NRCAM: variants seen among roughly 807,000 people sequenced by gnomAD.
NRCAM encodes neuronal cell adhesion molecule.
Under a neutral mutation model 156.5 loss-of-function variants are expected in NRCAM, and 83 were observed. The ratio of observed to expected loss-of-function variants is 0.53; its 90% confidence interval spans 0.44 to 0.64. The LOEUF is 0.64. NRCAM is among the 30% of genes least tolerant of loss of function. The probability of loss-of-function intolerance (pLI) is 0.00; values close to 1 mark genes in which losing one functional copy is unlikely to be tolerated. For missense variants in NRCAM, 1,417 were observed against 1,597.3 expected (o/e 0.89, Z 1.92); for synonymous variants, 538 against 563.9 (o/e 0.95, Z 0.65).
At chr7:108,336,319 T>G (rs2099189871) in intron 2 of NRCAM, among the ~76,000 whole-genome samples, 1 of 152,120 alleles carries the variant, frequency 6.6e-6, no homozygotes, top group Non-Finnish European at 1.5e-5. Context: ...TCCATTTGTA[T>G]GCACCCAGAA....
intron 1 of NRCAM, among the ~76,000 whole-genome samples, chr7:108,421,341 C>T (rs1177569190): frequency 6.6e-6 from 1 of 152,026 alleles, no homozygotes; most frequent in East Asian, 1.9e-4. Context: ...TAAAGTATTG[C>T]CTATAATATC....
At chr7:108,246,456 T>C (rs992297903) in intron 3 of NRCAM, among the ~76,000 whole-genome samples, 1 of 152,188 alleles carries the variant, frequency 6.6e-6, no homozygotes, top group South Asian at 2.1e-4. Flanking sequence ...AGTCAGCGGT[T>C]TGGAGCAGGA....
At chr7:108,356,105 C>G (rs1278450348) in intron 2 of NRCAM, among the ~76,000 whole-genome samples, 1 of 152,142 alleles carries the variant, frequency 6.6e-6, no homozygotes, top group African/African-American at 2.4e-5. Flanking sequence ...TGTACCACCA[C>G]ATCTGGCTAA....
At chr7:108,352,023 C>T (rs890772388) in intron 2 of NRCAM, among the ~76,000 whole-genome samples, 1 of 152,170 alleles carries the variant, frequency 6.6e-6, no homozygotes, top group African/African-American at 2.4e-5. Flanking sequence ...AAAGACCACT[C>T]ACTCCCTGAC....
intron 2 of NRCAM, among the ~76,000 whole-genome samples, chr7:108,383,931 G>A (rs2099720818): frequency 1.3e-5 from 2 of 152,160 alleles, no homozygotes; most frequent in South Asian, 2.1e-4. Flanking sequence ...GGGCTTTGAA[G>A]TGGTGCATTT....
At chr7:108,324,881 T>TAA in intron 2 of NRCAM, among the ~76,000 whole-genome samples, 1 of 91,094 alleles carries the variant, frequency 1.1e-5, no homozygotes, top group East Asian at 2.5e-4. Flanking sequence ...ACTGTACTTT[T>TAA]TTTTTTTTTT....
At chr7:108,385,397 T>C (rs941331829) in intron 2 of NRCAM, among the ~76,000 whole-genome samples, 1 of 152,128 alleles carries the variant, frequency 6.6e-6, no homozygotes, top group African/African-American at 2.4e-5. Context: ...TTCAGAGATG[T>C]GACACAAAAA....
intron 13 of NRCAM, among the ~76,000 whole-genome samples, chr7:108,199,100 C>A (rs1265485149): frequency 6.6e-6 from 1 of 152,188 alleles, no homozygotes; most frequent in Non-Finnish European, 1.5e-5. Flanking sequence ...CACCTTTTCT[C>A]TTAAACTGCT....
chr7:108,190,762 G>A (rs980501178), intron 19 of NRCAM, among the ~76,000 whole-genome samples: 7 of 151,976 alleles, frequency 4.6e-5, no homozygotes, highest in East Asian at 1.9e-4. Context: ...ATGGTGAGTC[G>A]GTTTTCTCTG....
chr7:108,401,777 T>C (rs1322248122), intron 1 of NRCAM, among the ~76,000 whole-genome samples: 1 of 152,190 alleles, frequency 6.6e-6, no homozygotes, highest in Non-Finnish European at 1.5e-5. Context: ...CTCCCGACCA[T>C]GCGTTGCCTC....
intron 3 of NRCAM, among the ~76,000 whole-genome samples, chr7:108,277,885 T>C (rs1310460801): frequency 1.3e-5 from 2 of 152,188 alleles, no homozygotes; most frequent in African/African-American, 4.8e-5. Flanking sequence ...TTATCTACCT[T>C]TGGTCTTTGA....
At chr7:108,419,159 G>GT (rs964811216) in intron 1 of NRCAM, among the ~76,000 whole-genome samples, 2 of 152,078 alleles carry the variant, frequency 1.3e-5, no homozygotes, top group Non-Finnish European at 2.9e-5. Context: ...CCTCATCCCC[G>GT]TAACTGTTCT....
chr7:108,341,323 T>C (rs1274070461), intron 2 of NRCAM, among the ~76,000 whole-genome samples: 1 of 152,186 alleles, frequency 6.6e-6, no homozygotes, highest in Non-Finnish European at 1.5e-5. Context: ...GTTAACTGTT[T>C]CCTGGACACT....
intron 2 of NRCAM, among the ~76,000 whole-genome samples, chr7:108,384,755 A>G (rs2099734513): frequency 1.3e-5 from 2 of 152,206 alleles, no homozygotes; most frequent in Non-Finnish European, 2.9e-5. Flanking sequence ...GGTGATGTCC[A>G]CACTGCTGGT....
chr7:108,371,597 T>C (rs1381176641), intron 2 of NRCAM, among the ~76,000 whole-genome samples: 1 of 152,166 alleles, frequency 6.6e-6, no homozygotes, highest in Non-Finnish European at 1.5e-5. Context: ...ATTGAATTAT[T>C]AACAACTATG....
At chr7:108,213,194 C>G (rs1169170305) in intron 11 of NRCAM, among the ~76,000 whole-genome samples, 1 of 152,102 alleles carries the variant, frequency 6.6e-6, no homozygotes, top group African/African-American at 2.4e-5. Context: ...CAAACAAATG[C>G]TGAGAGAATT....
chr7:108,188,680 G>A (rs2068895238), intron 20 of NRCAM, among the ~76,000 whole-genome samples: 1 of 149,450 alleles, frequency 6.7e-6, no homozygotes, highest in Non-Finnish European at 1.5e-5. Context: ...GCTAACTCTG[G>A]CTAATGTACC....
At chr7:108,448,666 A>G (rs924983727) in intron 1 of NRCAM, among the ~76,000 whole-genome samples, 1 of 152,208 alleles carries the variant, frequency 6.6e-6, no homozygotes, top group Non-Finnish European at 1.5e-5. Flanking sequence ...CACACACTAG[A>G]AAACGTTTCC....
At position 108,149,508 on chromosome 7, in the gene NRCAM, A is replaced by G. The variant is rs1000025398; in HGVS notation, c.*402T>C. 5.7e-6 allele frequency: 1 copy of G among 173,994 alleles called. No individual in the cohort carries two copies. Among genetic ancestry groups the G allele is most frequent in the African/African-American group, 2.4e-5 (1 of 41,852 alleles). The allele number at this position is 173,994 out of a possible 1,614,324, so 10.8% of individuals were successfully genotyped here. ...TCTTGACAATGAAAACGGAATTCATATATAGGGGTTCAGCTGAGGGTAGTA... is the reference window on the plus strand; with the variant it reads ...TCTTGACAATGAAAACGGAATTCATGTATAGGGGTTCAGCTGAGGGTAGTA... On this transcript the variant is annotated 3_prime_UTR_variant, in exon 33 of 33. Transcript: ENST00000379028.
Sources: gnomAD v4.1 joint callset for allele counts (sites outside exome capture counted in the v4.1 genomes callset) on GRCh38, gnomAD v4.1.1 for gene constraint, MANE v1.5 for transcripts, NCBI Gene and HGNC (gene_info 2026-07-23, HGNC 2026-07-21) for gene names.